The following DYRK4 variants were observed in gnomAD, a reference collection of about 807,000 sequenced individuals.
DYRK4 encodes dual specificity tyrosine-phosphorylation-regulated kinase 4.
In DYRK4, 64 loss-of-function variants were observed where a neutral mutation model predicts 68.3. That is an observed-to-expected ratio of 0.94 (90% confidence interval 0.77 to 1.15). The LOEUF (loss-of-function observed/expected upper bound fraction) is 1.15. DYRK4 is among the 50% of genes most tolerant of loss of function. The pLI is 0.00. For synonymous variants in DYRK4, 274 were observed against 289.9 expected (o/e 0.95, Z 0.56); for missense variants, 740 against 764.7 (o/e 0.97, Z 0.38).
chr12:4,599,486 CTG>C (rs550899175), intron 9 of DYRK4: 110 of 561,568 alleles, frequency 2.0e-4, no homozygotes, highest in African/African-American at 1.9e-3. Flanking sequence ...GCAAAAGAAA[CTG>C]TGCAAAGCAG....
In DYRK4 at chr12:4,604,988, G is replaced by T; in HGVS notation, c.1201G>T (p.Asp401Tyr). 1 of 1,614,082 alleles carries T rather than the reference G, an allele frequency of 6.2e-7. No homozygotes were observed. The highest frequency in any genetic ancestry group is 8.5e-7 in the Non-Finnish European group (1 of 1,179,946). ...ILGHPYDVAIDMWSLGCITAE... is the reference protein window; with the variant it reads ...ILGHPYDVAIYMWSLGCITAE... ...GGGCCACCCCTACGACGTGGCCATT[G>T]ACATGTGGAGCCTGGGCTGCATCAC... The change falls in exon 11 of 15, where the codon GAC becomes TAC. Residue 401 changes from aspartate to tyrosine, a missense_variant. By Grantham distance (160) the Asp-to-Tyr change is radical (BLOSUM62 -3). Coordinates refer to ENST00000543431, the MANE Select transcript of DYRK4 (RefSeq NM_001394779.1).
At chr12:4,605,728 G>GTTTT (rs780888385) in intron 11 of DYRK4, among the ~76,000 whole-genome samples, 1,488 of 68,520 alleles carry the variant, frequency 0.022, 69 homozygotes, top group South Asian at 0.031. Flanking sequence ...AATAGAGCTG[G>GTTTT]GTTTTTTTTT....
intron 10 of DYRK4, among the ~76,000 whole-genome samples, chr12:4,601,468 G>C (rs116065705): frequency 0.01 from 1,532 of 152,152 alleles, 38 homozygotes; most frequent in African/African-American, 0.035. Context: ...AATGAAGAAG[G>C]GTTTAATAAA....
intron 1 of DYRK4, 96 bp downstream of exon 1, chr12:4,562,379 G>C (rs1163467370): frequency 7.0e-7 from 1 of 1,429,548 alleles, no homozygotes; most frequent in East Asian, 2.6e-5. Flanking sequence ...GGGGGAGAAT[G>C]AAAAGCGTGC....
chr12:4,602,765 A>G, intron 10 of DYRK4: 1 of 1,528,982 alleles, frequency 6.5e-7, no homozygotes, highest in Admixed American at 1.7e-5. Flanking sequence ...ATCTCTCTCT[A>G]CCAGTATTGT....
intron 2 of DYRK4, among the ~76,000 whole-genome samples, chr12:4,569,373 A>G (rs1944708701): frequency 6.6e-6 from 1 of 152,222 alleles, no homozygotes; most frequent in African/African-American, 2.4e-5. Flanking sequence ...ATGCAAACAG[A>G]ACAGTATTGG....
chr12:4,576,274 G>C lies in DYRK4; in HGVS notation c.132+8226G>C, dbSNP rs191172325. ...AATATTGTATAGTTGGAATCATGCA[G>C]TATATTGCCTTCTCAGATGGCTTTT... On this transcript the variant is annotated intron_variant, in intron 2 of 14. Coordinates refer to ENST00000543431, the MANE Select transcript of DYRK4 (RefSeq NM_001394779.1). Among the ~76,000 whole-genome samples the C allele has an allele frequency of 3.3e-5, 5 of 152,296 alleles. No individual in the cohort carries two copies. The East Asian group carries it at 9.6e-4, about 29-fold the overall frequency.
intron 10 of DYRK4, among the ~76,000 whole-genome samples, chr12:4,600,297 G>C (rs375828117): frequency 6.6e-6 from 1 of 151,892 alleles, no homozygotes; most frequent in Non-Finnish European, 1.5e-5. Context: ...CTTCTATCAG[G>C]TTCGCTATAG....
chr12:4,566,758 G>A (rs1289197034), intron 1 of DYRK4, among the ~76,000 whole-genome samples: 3 of 152,176 alleles, frequency 2.0e-5, no homozygotes, highest in Non-Finnish European at 4.4e-5. Flanking sequence ...GAAGTTACTG[G>A]TAATTTTTGT....
intron 2 of DYRK4, among the ~76,000 whole-genome samples, chr12:4,580,320 C>T (rs1056716410): frequency 1.3e-5 from 2 of 152,204 alleles, no homozygotes; most frequent in Non-Finnish European, 2.9e-5. Context: ...TGGCCACGTT[C>T]GTCCCACTAA....
chr12:4,591,187 G>A lies in DYRK4; in HGVS notation c.352G>A (p.Ala118Thr). The change falls in exon 5 of 15, where the codon GCC becomes ACC. Residue 118 changes from alanine (A) to threonine (T), a missense_variant. Physicochemically the swap from Ala to Thr is moderately conservative, Grantham distance 58. Transcript: ENST00000543431. The surrounding 1 kb of genome is among the most constrained non-coding windows in gnomAD (Gnocchi z 4.1). ...GAATCAAGCTCACAATCAGATGCCGGCCTCAGAGCTCAAGGCTTCAGAAAT... is the reference window on the plus strand; with the variant it reads ...GAATCAAGCTCACAATCAGATGCCGACCTCAGAGCTCAAGGCTTCAGAAAT... ...QENQAHNQMPASELKASEIPF... is the reference protein window; with the variant it reads ...QENQAHNQMPTSELKASEIPF... 1 of 1,614,078 alleles carries A rather than the reference G, an allele frequency of 6.2e-7. No individual in the cohort carries two copies. The highest frequency in any genetic ancestry group is 8.5e-7 in the Non-Finnish European group (1 of 1,179,994).
chr12:4,588,159 A>G (rs1334682849), intron 2 of DYRK4, among the ~76,000 whole-genome samples: 4 of 152,186 alleles, frequency 2.6e-5, no homozygotes, highest in Non-Finnish European at 5.9e-5. Context: ...TCTTGGCCTC[A>G]AGTGATCGTC....
At chr12:4,569,650 A>G (rs1163063586) in intron 2 of DYRK4, among the ~76,000 whole-genome samples, 1 of 152,002 alleles carries the variant, frequency 6.6e-6, no homozygotes, top group Admixed American at 6.5e-5. Context: ...AAGTAGAGAC[A>G]GGGTCTCGCT....
chr12:4,589,144 C>A, intron 3 of DYRK4, 127 bp downstream of exon 3: 1 of 735,008 alleles, frequency 1.4e-6, no homozygotes, highest in South Asian at 1.8e-5. Context: ...TGACAGCACT[C>A]TATCCACGTC....
intron 3 of DYRK4, 134 bp downstream of exon 3, chr12:4,589,151 C>A: frequency 2.9e-6 from 2 of 680,288 alleles, no homozygotes; most frequent in Non-Finnish European, 4.9e-6. Context: ...ACTCTATCCA[C>A]GTCACCACAC....
At chr12:4,576,492 A>G (rs1163991120) in intron 2 of DYRK4, among the ~76,000 whole-genome samples, 1 of 152,216 alleles carries the variant, frequency 6.6e-6, no homozygotes, top group Non-Finnish European at 1.5e-5. Context: ...GCAGGTTTTT[A>G]TGTGGACATA....
chr12:4,574,239 A>G (rs1310231433), intron 2 of DYRK4, among the ~76,000 whole-genome samples: 2 of 151,630 alleles, frequency 1.3e-5, no homozygotes, highest in African/African-American at 2.4e-5. Context: ...AAAAAAAAAA[A>G]AAAAAAAAGG....
chr12:4,590,282 T>C (rs1204962317), intron 3 of DYRK4, 48 bp from the exon 4 acceptor site: 1 of 1,504,012 alleles, frequency 6.6e-7, no homozygotes, highest in African/African-American at 1.4e-5. Context: ...CCTGGAGACG[T>C]TTTCTTGCCT....
chr12:4,612,726 C>T lies in DYRK4; in HGVS notation c.1666+8C>T. On this transcript the variant is annotated splice_region_variant and intron_variant, in intron 14 of 14. Coordinates refer to ENST00000543431, the MANE Select transcript of DYRK4 (RefSeq NM_001394779.1). The stretch of plus-strand genomic sequence containing the variant: ...ATCACTCGAGCAGAAAAGGTACAGC[C>T]TGTCAAATAACCAGTCCTAGTCCCA... 3 of 1,613,940 alleles carry T rather than the reference C, an allele frequency of 1.9e-6. No individual in the cohort carries two copies. The highest frequency in any genetic ancestry group is 2.5e-6 in the Non-Finnish European group (3 of 1,179,842).
Sources: gnomAD v4.1 joint callset for allele counts (sites outside exome capture counted in the v4.1 genomes callset) on GRCh38, gnomAD v4.1.1 for gene constraint, Gnocchi (gnomAD v3.1) non-coding constraint, MANE v1.5 for transcripts, NCBI Gene and HGNC (gene_info 2026-07-23, HGNC 2026-07-21) for gene names.